The following VSTM5 variants were observed in gnomAD, a reference collection of about 807,000 sequenced individuals.
VSTM5 encodes the protein V-set and transmembrane domain containing 5, also known as V-set and transmembrane domain-containing protein 5.
VSTM5 carries 21 observed loss-of-function variants against 20.3 expected under a neutral mutation model. The observed-to-expected ratio is 1.03, with a 90% CI of 0.73 to 1.49. VSTM5 has a LOEUF of 1.49. VSTM5 is among the 40% of genes most tolerant of loss of function. The pLI, the probability that VSTM5 is intolerant of heterozygous loss-of-function variation, is 0.00. For synonymous variants in VSTM5, 100 were observed against 102.5 expected (o/e 0.98, Z 0.14); for missense variants, 219 against 250.0 (o/e 0.88, Z 0.84).
At chr11:93,845,401 G>C (rs1944405282) in intron 1 of VSTM5, among the ~76,000 whole-genome samples, 1 of 152,198 alleles carries the variant, frequency 6.6e-6, no homozygotes. Flanking sequence ...CAGAGAGAAA[G>C]CCTAGCATGC....
At chr11:93,843,268 G>A (rs1944385556) in intron 1 of VSTM5, among the ~76,000 whole-genome samples, 1 of 152,068 alleles carries the variant, frequency 6.6e-6, no homozygotes, top group African/African-American at 2.4e-5. Context: ...TCCCATTTCT[G>A]TGTTCCCATT....
At chr11:93,847,650 G>A (rs963685252) in intron 1 of VSTM5, among the ~76,000 whole-genome samples, 1 of 152,250 alleles carries the variant, frequency 6.6e-6, no homozygotes, top group African/African-American at 2.4e-5. Flanking sequence ...GGGAGCACTG[G>A]GTGGGTACTC....
chr11:93,829,922 C>A (rs1397237988), intron 1 of VSTM5, among the ~76,000 whole-genome samples: 2 of 152,054 alleles, frequency 1.3e-5, no homozygotes, highest in African/African-American at 4.8e-5. Context: ...TAGTAATGAG[C>A]CAGGGAAGTT....
Position 93,820,870 on chromosome 11 carries a change from T to TTA in VSTM5, c.431_432insTA (p.Glu144AspfsTer21). 6.4e-7 allele frequency: 1 copy of TTA among 1,550,702 alleles called. No individual in the cohort carries two copies. The highest frequency in any genetic ancestry group is 8.7e-7 in the Non-Finnish European group (1 of 1,146,994). ...GGATGACAGCGACAAAGTGCAGGTCTTCATAGAGGATCTCTATGGAGTGAG... is the reference window on the plus strand; with the variant it reads ...GGATGACAGCGACAAAGTGCAGGTCTTATCATAGAGGATCTCTATGGAGTGAG... On this transcript the variant is annotated frameshift_variant, in exon 3 of 4. Transcript: ENST00000409977. LOFTEE classifies it high-confidence loss of function.
chr11:93,827,496 C>T (rs1944248543), intron 1 of VSTM5: 1 of 152,202 alleles, frequency 6.6e-6, no homozygotes, highest in African/African-American at 2.4e-5. Context: ...GTCTGCATCT[C>T]ATGCTAAAAT....
chr11:93,837,838 C>G (rs10765635), intron 1 of VSTM5, among the ~76,000 whole-genome samples: 114,621 of 152,010 alleles, frequency 0.75, 44,783 homozygotes, highest in South Asian at 0.86. Context: ...CAAACACACC[C>G]ATAAAAAAAG....
At chr11:93,832,264 G>C (rs977009599) in intron 1 of VSTM5, among the ~76,000 whole-genome samples, 1 of 152,160 alleles carries the variant, frequency 6.6e-6, no homozygotes, top group East Asian at 1.9e-4. Context: ...GTTGACATTA[G>C]ATGATCTCAA....
At chr11:93,836,287 G>A (rs532224182) in intron 1 of VSTM5, among the ~76,000 whole-genome samples, 1 of 152,350 alleles carries the variant, frequency 6.6e-6, no homozygotes, top group East Asian at 1.9e-4. Flanking sequence ...ACAGCATCCT[G>A]AGTGATATTT....
chr11:93,827,150 G>A (rs537279413), intron 1 of VSTM5, among the ~76,000 whole-genome samples: 13 of 152,242 alleles, frequency 8.5e-5, no homozygotes, highest in East Asian at 5.8e-4. Context: ...TTGGGAGGCC[G>A]AAGCGAGTGG....
At chr11:93,824,541 A>G (rs529917344) in intron 1 of VSTM5, among the ~76,000 whole-genome samples, 1 of 152,066 alleles carries the variant, frequency 6.6e-6, no homozygotes, top group South Asian at 2.1e-4. Context: ...TTTGCTATTG[A>G]GTTGTATGAG....
At chr11:93,847,519 T>C (rs1944423827) in intron 1 of VSTM5, among the ~76,000 whole-genome samples, 1 of 152,154 alleles carries the variant, frequency 6.6e-6, no homozygotes, top group Non-Finnish European at 1.5e-5. Context: ...TATATGTGTG[T>C]GTGTTGGGGG....
intron 1 of VSTM5, among the ~76,000 whole-genome samples, chr11:93,849,845 C>A (rs11020539): frequency 1.3e-5 from 2 of 152,146 alleles, no homozygotes. Flanking sequence ...CGAGGACCAC[C>A]TCCAGCCTGG....
chr11:93,837,955 T>C (rs7115115), intron 1 of VSTM5, among the ~76,000 whole-genome samples: 33,658 of 127,534 alleles, frequency 0.26, 4,971 homozygotes, highest in African/African-American at 0.47. Flanking sequence ...AGAGATCTGC[T>C]GGTGGGTGCA....
Position 93,820,777 on chromosome 11 carries a change from A to C in VSTM5, c.525T>G (p.Tyr175Ter). Residue 175 changes from tyrosine to a stop codon, truncating the protein, a stop_gained, in exon 3 of 4, where the codon TAT becomes TAG. Coordinates refer to ENST00000409977, the MANE Select transcript of VSTM5 (RefSeq NM_001144871.2). LOFTEE classifies it high-confidence loss of function. The stretch of plus-strand genomic sequence containing the variant: ...TGTGTCTTCTCTTCCTCTGAAATTT[A>C]TATGCACACTTATTACAAACCCACA... ...SLMWVCNKCAYKFQRKRRHKL... is the reference protein window; with the variant it reads ...SLMWVCNKCA 1 of 1,551,638 alleles carries C rather than the reference A, an allele frequency of 6.4e-7. No individual in the cohort carries two copies. Among genetic ancestry groups the C allele is most frequent in the Non-Finnish European group, 8.7e-7 (1 of 1,147,008 alleles).
intron 1 of VSTM5, among the ~76,000 whole-genome samples, chr11:93,846,121 G>C (rs1565305124): frequency 6.6e-6 from 1 of 152,238 alleles, no homozygotes; most frequent in African/African-American, 2.4e-5. Flanking sequence ...CTCCCGCGTA[G>C]CTGGGACTGC....
rs551363600 is a variant in VSTM5, at chr11:93,839,668, ACTGCAGG to A, written c.91+10737_91+10743del. ...CAGGCCTGGTAGGGCATGGGTGGGA[ACTGCAGG>A]CTACAGGTAAGGATGGAATCTAGGT... is the stretch of plus-strand genomic sequence containing the variant. On this transcript the variant is annotated intron_variant, in intron 1 of 3. Transcript: ENST00000409977. 5.4e-4 allele frequency among the ~76,000 whole-genome samples: 82 copies of A among 152,254 alleles called. No homozygotes were observed. In the South Asian group the frequency reaches 0.016, roughly 30 times the overall value.
intron 1 of VSTM5, among the ~76,000 whole-genome samples, chr11:93,847,266 T>C (rs1277707805): frequency 6.6e-6 from 1 of 152,188 alleles, no homozygotes; most frequent in African/African-American, 2.4e-5. Flanking sequence ...GCCACATGGA[T>C]GGCAGCGTTG....
chr11:93,842,270 G>C (rs1022622506), intron 1 of VSTM5, among the ~76,000 whole-genome samples: 1 of 152,180 alleles, frequency 6.6e-6, no homozygotes, highest in East Asian at 1.9e-4. Flanking sequence ...ATCTGAGACC[G>C]GGAGTGTTGG....
chr11:93,820,294 T>A lies in VSTM5; in HGVS notation c.*275A>T, dbSNP rs1389872483. On this transcript the variant is annotated 3_prime_UTR_variant, in exon 4 of 4. Transcript: ENST00000409977. ...GCCAACGCCTGCACTCACCCATTGG[T>A]TATGTGTCAGCACGGCCCTGATGCT... 3 of 475,016 alleles carry A rather than the reference T, an allele frequency of 6.3e-6. No homozygotes were observed. The highest frequency in any genetic ancestry group is 5.9e-5 in the African/African-American group (3 of 50,838). The allele number at this position is 475,016 out of a possible 1,614,324, so 29.4% of individuals were successfully genotyped here.
Sources: allele counts gnomAD v4.1 joint callset (sites outside exome capture counted in the v4.1 genomes callset), GRCh38; gene constraint gnomAD v4.1.1; transcripts MANE v1.5; gene names NCBI Gene and HGNC (gene_info 2026-07-23, HGNC 2026-07-21).